The following SH3GL3 variants were observed in gnomAD, a reference collection of about 807,000 sequenced individuals.
SH3GL3 encodes endophilin-A3.
Under a neutral mutation model 47.7 loss-of-function variants are expected in SH3GL3, and 33 were observed. That is an observed-to-expected ratio of 0.69 (90% CI 0.52 to 0.92). The LOEUF is 0.92. Among genes scored for constraint, SH3GL3 ranks in the 40% least tolerant of loss-of-function variants. The pLI, the probability that SH3GL3 is intolerant of heterozygous loss-of-function variation, is 0.00. For missense variants in SH3GL3, 363 were observed against 417.8 expected, an observed-to-expected ratio of 0.87 and a Z score of 1.14; for synonymous variants, 155 against 148.8, an observed-to-expected ratio of 1.04 and a Z score of -0.30.
chr15:83,578,866 A>G (rs1451030599), intron 6 of SH3GL3, among the ~76,000 whole-genome samples: 1 of 152,156 alleles, frequency 6.6e-6, no homozygotes, highest in Admixed American at 6.5e-5. Context: ...GTTGGGCCAT[A>G]TGGAATGTTG....
At chr15:83,565,507 G>T in intron 3 of SH3GL3, 1 of 258,482 alleles carries the variant, frequency 3.9e-6, no homozygotes, top group Non-Finnish European at 7.3e-6. Flanking sequence ...TAAACATTTG[G>T]CAAATATTTT....
intron 5 of SH3GL3, among the ~76,000 whole-genome samples, chr15:83,573,099 T>C (rs1050614809): frequency 2.0e-5 from 3 of 152,216 alleles, no homozygotes; most frequent in African/African-American, 7.2e-5. Context: ...AGAAGATCAA[T>C]ACCTAGAAAT....
At chr15:83,490,927 G>A (rs369388835) in intron 1 of SH3GL3, 2 of 1,613,780 alleles carry the variant, frequency 1.2e-6, no homozygotes, top group African/African-American at 2.7e-5. Flanking sequence ...AATGTTAAGG[G>A]GGAGTGGTTG....
downstream of SH3GL3, among the ~76,000 whole-genome samples, chr15:83,619,316 A>T (rs907661752): frequency 6.6e-6 from 1 of 152,246 alleles, no homozygotes; most frequent in Admixed American, 6.5e-5. Context: ...ATATTGCAAT[A>T]AAACAAGTCA....
chr15:83,566,361 AGAGAGTGT>A (rs1432339460), intron 3 of SH3GL3, among the ~76,000 whole-genome samples: 3 of 118,346 alleles, frequency 2.5e-5, no homozygotes, highest in African/African-American at 9.6e-5. Context: ...AGAGAGAGAG[AGAGAGTGT>A]GTGTGTGTGT....
intron 1 of SH3GL3, among the ~76,000 whole-genome samples, chr15:83,498,618 C>A (rs1222578974): frequency 6.6e-6 from 1 of 152,138 alleles, no homozygotes; most frequent in Non-Finnish European, 1.5e-5. Context: ...CTCTTAAGTG[C>A]TCTAAGATCT....
chr15:83,467,086 C>G (rs147894504), intron 1 of SH3GL3, among the ~76,000 whole-genome samples: 4 of 152,332 alleles, frequency 2.6e-5, no homozygotes, highest in Admixed American at 6.5e-5. Context: ...ACATATGGAT[C>G]ATACTTTTGG....
intron 6 of SH3GL3, among the ~76,000 whole-genome samples, chr15:83,586,517 T>C (rs997908826): frequency 2.6e-5 from 4 of 152,218 alleles, no homozygotes; most frequent in South Asian, 2.1e-4. Context: ...CCCTTTCTTA[T>C]CTGTTTCATT....
At chr15:83,593,487 A>G (rs1178094096) in intron 8 of SH3GL3, among the ~76,000 whole-genome samples, 1 of 152,172 alleles carries the variant, frequency 6.6e-6, no homozygotes, top group African/African-American at 2.4e-5. Flanking sequence ...TAAAATTTCC[A>G]TTTCTGAATT....
At chr15:83,599,062 A>C (rs899701113) in intron 8 of SH3GL3, among the ~76,000 whole-genome samples, 1 of 152,230 alleles carries the variant, frequency 6.6e-6, no homozygotes, top group African/African-American at 2.4e-5. Context: ...TATATTTTCA[A>C]GGTAGAATTC....
chr15:83,477,319 A>G (rs1165112125), intron 1 of SH3GL3, among the ~76,000 whole-genome samples: 1 of 151,800 alleles, frequency 6.6e-6, no homozygotes, highest in African/African-American at 2.4e-5. Context: ...AATAATTCCA[A>G]CTTCATCTTG....
intron 1 of SH3GL3, among the ~76,000 whole-genome samples, chr15:83,531,865 A>G (rs1365916426): frequency 6.6e-6 from 1 of 151,858 alleles, no homozygotes; most frequent in Non-Finnish European, 1.5e-5. Context: ...AGAATGAGAG[A>G]GAGAGAGAGA....
At chr15:83,561,616 A>G (rs1403243119) in intron 2 of SH3GL3, among the ~76,000 whole-genome samples, 1 of 152,198 alleles carries the variant, frequency 6.6e-6, no homozygotes, top group Non-Finnish European at 1.5e-5. Context: ...GATCGAAACA[A>G]TGAAGCCAAG....
At chr15:83,489,893 G>GATA (rs1464094975) in intron 1 of SH3GL3, among the ~76,000 whole-genome samples, 5 of 150,144 alleles carry the variant, frequency 3.3e-5, no homozygotes, top group East Asian at 1.9e-4. Flanking sequence ...ATAGATAATA[G>GATA]ATAGATAGAT....
At chr15:83,550,449 G>A (rs2044605215) in intron 1 of SH3GL3, among the ~76,000 whole-genome samples, 1 of 152,116 alleles carries the variant, frequency 6.6e-6, no homozygotes, top group African/African-American at 2.4e-5. Context: ...GGAGTGCAGT[G>A]GTGTGATTTC....
intron 1 of SH3GL3, among the ~76,000 whole-genome samples, chr15:83,481,966 A>T (rs1366087963): frequency 6.6e-6 from 1 of 152,206 alleles, no homozygotes; most frequent in Non-Finnish European, 1.5e-5. Context: ...GGGGGGAGTC[A>T]TTTCCAATTT....
At chr15:83,554,693 G>C (rs1049355625) in intron 1 of SH3GL3, among the ~76,000 whole-genome samples, 3 of 152,160 alleles carry the variant, frequency 2.0e-5, no homozygotes, top group African/African-American at 7.2e-5. Flanking sequence ...GTGCCTAGCC[G>C]ATTTCTTCTT....
chr15:83,481,629 A>T (rs1408434831), intron 1 of SH3GL3, among the ~76,000 whole-genome samples: 3 of 152,256 alleles, frequency 2.0e-5, no homozygotes, highest in Non-Finnish European at 4.4e-5. Context: ...TATCTGAAAG[A>T]GCACAGTGGT....
chr15:83,506,864 G>A (rs903172600), intron 1 of SH3GL3, among the ~76,000 whole-genome samples: 4 of 151,998 alleles, frequency 2.6e-5, no homozygotes, highest in African/African-American at 9.7e-5. Flanking sequence ...GGCTCCCAAG[G>A]AGTGGCTGAA....
Sources: gnomAD v4.1 joint callset for allele counts (sites outside exome capture counted in the v4.1 genomes callset) on GRCh38, gnomAD v4.1.1 for gene constraint, MANE v1.5 for transcripts, NCBI Gene and HGNC (gene_info 2026-07-23, HGNC 2026-07-21) for gene names.